IL34: variants seen among roughly 807,000 people sequenced by gnomAD.
IL34 encodes the protein interleukin-34.
IL34 carries 17 observed loss-of-function variants against 25.3 expected under a neutral mutation model. That is an observed-to-expected ratio of 0.67 (90% confidence interval 0.46 to 1.01). IL34 has a LOEUF of 1.01. IL34 is among the 50% of genes least tolerant of loss of function. The probability of loss-of-function intolerance (pLI) is 0.00; values close to 1 mark genes in which losing one functional copy is unlikely to be tolerated. For synonymous variants in IL34, 174 were observed against 140.9 expected, an observed-to-expected ratio of 1.23 and a Z score of -1.66; for missense variants, 368 against 312.9, an observed-to-expected ratio of 1.18 and a Z score of -1.33.
chr16:70,639,557 G>A (rs2051733157), intron 1 of IL34, among the ~76,000 whole-genome samples: 1 of 152,192 alleles, frequency 6.6e-6, no homozygotes, highest in Non-Finnish European at 1.5e-5. Context: ...GCAAAGAGTG[G>A]AGTGCAGTTG....
At chr16:70,639,720 C>T (rs34493949) in intron 1 of IL34, among the ~76,000 whole-genome samples, 3 of 152,002 alleles carry the variant, frequency 2.0e-5, no homozygotes, top group East Asian at 1.9e-4. Context: ...TTAGGGAGGC[C>T]GGGGTCGAGG....
At position 70,660,218 on chromosome 16, in the gene IL34, A is replaced by G; in HGVS notation, c.*31A>G. The G allele has an allele frequency of 6.6e-7, 1 of 1,522,560 alleles. No individual in the cohort carries two copies. 94.3% of individuals were successfully genotyped at this position (1,522,560 alleles called of 1,614,324 possible). A position where few individuals can be genotyped will look rare whatever the true frequency, so the allele number is the denominator to read the frequency against. ...CTGGATGGTGACTGCGGATAGGGGC[A>G]GCCAGACCAGCTCCCACAGGAGTTC... is the stretch of plus-strand genomic sequence containing the variant. On this transcript the variant is annotated 3_prime_UTR_variant, in exon 6 of 6. Coordinates refer to ENST00000288098, the MANE Select transcript of IL34 (RefSeq NM_001393494.1).
intron 1 of IL34, among the ~76,000 whole-genome samples, chr16:70,590,706 T>TGTCAACACCTGGGAACA (rs2050743783): frequency 6.6e-6 from 1 of 152,088 alleles, no homozygotes; most frequent in East Asian, 1.9e-4. Context: ...GAACCAAGGC[T>TGTCAACACCTGGGAACA]CAGAGGTTAA....
chr16:70,654,542 T>G lies in IL34; in HGVS notation c.33T>G (p.Leu11=). The change falls in exon 2 of 6, where the codon CTT becomes CTG. Residue 11 remains leucine, a synonymous_variant. Transcript: ENST00000288098. The part of the protein sequence containing the change: MPRGFTWLRY[L]GIFLGVALGN... ...CTTGTCGGGTGTGGTCCACAGATCT[T>G]GGGATCTTCCTTGGCGTGGCCTTGG... 6.2e-7 allele frequency: 1 copy of G among 1,609,354 alleles called. No individual in the cohort carries two copies. The highest frequency in any genetic ancestry group is 8.5e-7 in the Non-Finnish European group (1 of 1,176,526).
At position 70,657,236 on chromosome 16, in the gene IL34, G is replaced by C; in HGVS notation, c.402+115G>C. The C allele has an allele frequency of 7.2e-6, 8 of 1,109,248 alleles. No individual in the cohort carries two copies. In the South Asian group the frequency reaches 1.2e-4, roughly 17 times the overall value. The allele number at this position is 1,109,248 out of a possible 1,614,324, so 68.7% of individuals were successfully genotyped here. Reference sequence around the variant, plus strand: ...AAAGGGTGAATACACGGAAAGATGGGCACAAGCAGAGGGACGTGGGAGAAG... The same window carrying C: ...AAAGGGTGAATACACGGAAAGATGGCCACAAGCAGAGGGACGTGGGAGAAG... On this transcript the variant is annotated intron_variant, in intron 4 of 5. Coordinates refer to ENST00000288098, the MANE Select transcript of IL34 (RefSeq NM_001393494.1).
intron 1 of IL34, chr16:70,654,035 A>C (rs2151880407): frequency 6.6e-6 from 1 of 152,662 alleles, no homozygotes. Context: ...GTTAGCTGGG[A>C]GGGACACTAA....
chr16:70,581,818 C>T (rs578008212), intron 1 of IL34, among the ~76,000 whole-genome samples: 14 of 152,256 alleles, frequency 9.2e-5, no homozygotes, highest in African/African-American at 3.1e-4. Context: ...CATGGTGGCT[C>T]ATGTCTGTAA....
At chr16:70,612,992 C>G (rs1046504198) in intron 1 of IL34, among the ~76,000 whole-genome samples, 1 of 152,074 alleles carries the variant, frequency 6.6e-6, no homozygotes, top group Non-Finnish European at 1.5e-5. Context: ...AGGCTGGTCT[C>G]GAACTCCTGA....
At chr16:70,624,866 A>G (rs1386170207) in intron 1 of IL34, among the ~76,000 whole-genome samples, 1 of 151,740 alleles carries the variant, frequency 6.6e-6, no homozygotes, top group Non-Finnish European at 1.5e-5. Flanking sequence ...GTAGAAAAGG[A>G]AGATTAGAAA....
intron 1 of IL34, among the ~76,000 whole-genome samples, chr16:70,629,606 AGTT>A (rs2051472435): frequency 6.6e-6 from 1 of 152,194 alleles, no homozygotes; most frequent in African/African-American, 2.4e-5. Flanking sequence ...CTGTATAAAT[AGTT>A]GTTATACTAT....
rs138252454 is a variant in IL34, at chr16:70,618,845, A to G, written c.-400-27703A>G. On this transcript the variant is annotated intron_variant, in intron 1 of 6. Coordinates refer to the IL34 transcript ENST00000429149. ...GGGGCTGTCTGTGAAGCTTTGCAGC[A>G]GTACAGCCTAGGTAATTTGCTGAGC... Among the ~76,000 whole-genome samples, 1,504 of 152,308 alleles carry G rather than the reference A, an allele frequency of 9.9e-3. 23 individuals are homozygous for G. The highest frequency in any genetic ancestry group is 0.035 in the African/African-American group (1,435 of 41,556).
intron 1 of IL34, among the ~76,000 whole-genome samples, chr16:70,600,883 C>T (rs1354811556): frequency 6.7e-6 from 1 of 150,370 alleles, no homozygotes; most frequent in African/African-American, 2.5e-5. Context: ...GTAGGGGATG[C>T]TGGGAGAAGT....
chr16:70,624,289 T>C (rs556762155), intron 1 of IL34, among the ~76,000 whole-genome samples: 2,165 of 149,962 alleles, frequency 0.014, 90 homozygotes, highest in African/African-American at 0.051. Flanking sequence ...CTGGCTGCTG[T>C]GGTTCAGGCA....
At chr16:70,635,595 T>C (rs1008027761) in intron 1 of IL34, among the ~76,000 whole-genome samples, 6 of 152,176 alleles carry the variant, frequency 3.9e-5, no homozygotes. Context: ...GAGCAGGAGC[T>C]GTTTCCAGTG....
intron 1 of IL34, among the ~76,000 whole-genome samples, chr16:70,638,719 T>C (rs998333523): frequency 5.3e-5 from 8 of 152,164 alleles, no homozygotes; most frequent in African/African-American, 1.9e-4. Context: ...TACCTGGGAC[T>C]GTGGGTATGC....
chr16:70,580,729 C>T (rs1417119746), intron 1 of IL34, among the ~76,000 whole-genome samples: 1 of 147,054 alleles, frequency 6.8e-6, no homozygotes, highest in African/African-American at 2.5e-5. Context: ...TGCAGTGAGC[C>T]GAGATCACAC....
intron 1 of IL34, among the ~76,000 whole-genome samples, chr16:70,598,924 G>T (rs542411402): frequency 1.3e-4 from 20 of 152,160 alleles, no homozygotes; most frequent in Non-Finnish European, 4.4e-5. Context: ...ATCACATCAG[G>T]CCTGCTCAGA....
chr16:70,650,996 G>C (rs2052064091), intron 1 of IL34, among the ~76,000 whole-genome samples: 1 of 152,216 alleles, frequency 6.6e-6, no homozygotes, highest in Non-Finnish European at 1.5e-5. Context: ...GGATCACGAG[G>C]TCAGGAGTTC....
intron 1 of IL34, among the ~76,000 whole-genome samples, chr16:70,619,773 C>T (rs955984298): frequency 1.3e-5 from 2 of 152,072 alleles, no homozygotes; most frequent in Non-Finnish European, 2.9e-5. Context: ...GTCAGAGAGC[C>T]TTGGGCCAGA....
Sources: allele counts gnomAD v4.1 joint callset (sites outside exome capture counted in the v4.1 genomes callset), GRCh38; gene constraint gnomAD v4.1.1; transcripts MANE v1.5; gene names NCBI Gene and HGNC (gene_info 2026-07-23, HGNC 2026-07-21).